Variants in UBE2QL1 observed in about 807,000 individuals in gnomAD.
The protein encoded by UBE2QL1 is ubiquitin-conjugating enzyme E2Q-like protein 1.
A neutral mutation model predicts 12.6 loss-of-function variants in UBE2QL1; 5 were observed. That is an observed-to-expected ratio of 0.40 (90% CI 0.21 to 0.83). The LOEUF (loss-of-function observed/expected upper bound fraction) is 0.83. UBE2QL1 is among the 40% of genes least tolerant of loss of function. UBE2QL1 has a pLI of 0.37. For missense variants in UBE2QL1, 99 were observed against 222.6 expected (o/e 0.44, Z 3.53); for synonymous variants, 96 against 94.5 (o/e 1.02, Z -0.10).
intron 1 of UBE2QL1, among the ~76,000 whole-genome samples, chr5:6,483,600 G>GCA (rs1372035670): frequency 1.3e-5 from 2 of 152,156 alleles, no homozygotes; most frequent in Non-Finnish European, 2.9e-5. Flanking sequence ...TCCTGGACAC[G>GCA]CACAGCCCTT....
intron 1 of UBE2QL1, among the ~76,000 whole-genome samples, chr5:6,459,505 C>T (rs138765581): frequency 1.3e-5 from 2 of 152,112 alleles, no homozygotes. Flanking sequence ...GACTGCATGG[C>T]CTCGAGGTGT....
In UBE2QL1 at chr5:6,470,369, G is replaced by A. The variant is rs75158532; in HGVS notation, c.355-20849G>A. Among the ~76,000 whole-genome samples the A allele has an allele frequency of 2.1e-3, 323 of 152,320 alleles. 10 individuals carry two copies. The East Asian group carries it at 0.059, about 28-fold the overall frequency. On this transcript the variant is annotated intron_variant, in intron 1 of 1. Coordinates refer to ENST00000399816, the MANE Select transcript of UBE2QL1 (RefSeq NM_001145161.3). ...TGTGTGCAGAATTATAATGGTATAT[G>A]TTATGTTGTCTAACCTGTAAAACTC...
chr5:6,474,256 G>A (rs1489479069), intron 1 of UBE2QL1, among the ~76,000 whole-genome samples: 2 of 152,248 alleles, frequency 1.3e-5, no homozygotes, highest in Non-Finnish European at 2.9e-5. Flanking sequence ...CTTCCAGCAT[G>A]GAGCACCCGT....
intron 1 of UBE2QL1, among the ~76,000 whole-genome samples, chr5:6,461,543 A>ACCCCCCCC (rs71953375): frequency 8.1e-4 from 34 of 42,128 alleles, no homozygotes; most frequent in Middle Eastern, 0.014. Context: ...AGCACCCACC[A>ACCCCCCCC]CCCCCCCCCG....
intron 1 of UBE2QL1, among the ~76,000 whole-genome samples, chr5:6,461,928 C>A (rs779470191): frequency 1.3e-5 from 2 of 152,150 alleles, no homozygotes; most frequent in African/African-American, 4.8e-5. Flanking sequence ...TTGGATAAGC[C>A]GCAGGCTCTC....
chr5:6,462,915 G>A lies in UBE2QL1; in HGVS notation c.354+13668G>A, dbSNP rs575651102. Among the ~76,000 whole-genome samples the A allele has an allele frequency of 3.3e-5, 5 of 152,348 alleles. No homozygotes were observed. In the South Asian group the frequency reaches 8.3e-4, roughly 25 times the overall value. On this transcript the variant is annotated intron_variant, in intron 1 of 1. Transcript: ENST00000399816. ...GTTTGGTCTTAACAAAAATAATAGTGTGCAATTAACTAAGGCGTCAAGCAC... is the reference window on the plus strand; with the variant it reads ...GTTTGGTCTTAACAAAAATAATAGTATGCAATTAACTAAGGCGTCAAGCAC...
At position 6,457,113 on chromosome 5, in the gene UBE2QL1, T is replaced by G. The variant is rs544454478; in HGVS notation, c.354+7866T>G. On this transcript the variant is annotated intron_variant, in intron 1 of 1. Transcript: ENST00000399816. ...AATGCAGACCTAGCTTTATCACATC[T>G]GGTTATGAACCTTATGAAATAGAGC... Among the ~76,000 whole-genome samples, 3 of 152,042 alleles carry G rather than the reference T, an allele frequency of 2.0e-5. No homozygotes were observed. The South Asian group carries it at 6.3e-4, about 32-fold the overall frequency.
At position 6,496,570 on chromosome 5, in the gene UBE2QL1, G is replaced by T. The variant is rs1047855548; in HGVS notation, c.*5221G>T. Among the ~76,000 whole-genome samples the T allele has an allele frequency of 2.0e-5, 3 of 152,082 alleles. No homozygotes were observed. In the East Asian group the frequency reaches 5.8e-4, roughly 29 times the overall value. Reference sequence around the variant, plus strand: ...GATCCTCAAAAGAAGAGAAAAAAACGCATGTGGCATAAATCAACAGGAAAG... The same window carrying T: ...GATCCTCAAAAGAAGAGAAAAAAACTCATGTGGCATAAATCAACAGGAAAG... On this transcript the variant is annotated 3_prime_UTR_variant, in exon 2 of 2. Transcript: ENST00000399816.
rs936683122 is a variant in UBE2QL1 at position 6,491,334 on chromosome 5, C to T, written c.471C>T (p.Pro157=). 18 of 1,550,750 alleles carry T rather than the reference C, an allele frequency of 1.2e-5. No individual in the cohort carries two copies. In the East Asian group the frequency reaches 2.0e-4, roughly 17 times the overall value. Residue 157 remains proline, a synonymous_variant, in exon 2 of 2, where the codon CCC becomes CCT. Coordinates refer to ENST00000399816, the MANE Select transcript of UBE2QL1 (RefSeq NM_001145161.3). The part of the protein sequence containing the change: ...THEKYGWVTP[P]VSDG ...AAAAATATGGTTGGGTCACCCCGCC[C>T]GTGTCCGACGGCTGATGTCTGCCAC...
At position 6,469,974 on chromosome 5, in the gene UBE2QL1, C is replaced by T. The variant is rs151204699; in HGVS notation, c.354+20727C>T. Among the ~76,000 whole-genome samples the T allele has an allele frequency of 1.4e-3, 219 of 152,238 alleles. 1 individual carries two copies. Among genetic ancestry groups the T allele is most frequent in the African/African-American group, 5.1e-3 (210 of 41,532 alleles). On this transcript the variant is annotated intron_variant, in intron 1 of 1. Coordinates refer to ENST00000399816, the MANE Select transcript of UBE2QL1 (RefSeq NM_001145161.3). ...CACAGAGGACATTCGGTGATGGTGC[C>T]GGGCGGGACCCTGCAATGGTCTGTG...
At position 6,478,738 on chromosome 5, in the gene UBE2QL1, A is replaced by G. The variant is rs148918540; in HGVS notation, c.355-12480A>G. On this transcript the variant is annotated intron_variant, in intron 1 of 1. Coordinates refer to ENST00000399816, the MANE Select transcript of UBE2QL1 (RefSeq NM_001145161.3). The surrounding 1 kb of genome is among the most constrained non-coding windows in gnomAD (Gnocchi z 4.5). ...TGAAATGAAGTGTCCTGATCACCCA[A>G]TGGCACGGGTGATCAAAGCCACAGC... is the stretch of plus-strand genomic sequence containing the variant. 5.6e-3 allele frequency among the ~76,000 whole-genome samples: 857 copies of G among 152,110 alleles called. 8 individuals carry two copies. Among genetic ancestry groups the G allele is most frequent in the African/African-American group, 0.019 (778 of 41,512 alleles).
chr5:6,449,867 A>ACCCC (rs1482739693), intron 1 of UBE2QL1, among the ~76,000 whole-genome samples: 2 of 67,200 alleles, frequency 3.0e-5, no homozygotes, highest in Admixed American at 1.4e-4. Flanking sequence ...CCACCTCCCC[A>ACCCC]ACCCCCCCCA....
chr5:6,483,445 GAAA>G (rs36031775), intron 1 of UBE2QL1, among the ~76,000 whole-genome samples: 6 of 145,408 alleles, frequency 4.1e-5, no homozygotes, highest in African/African-American at 1.5e-4. Flanking sequence ...TCTAAAATAA[GAAA>G]AAAAAAAAAA....
Position 6,478,562 on chromosome 5 carries a change from A to C in UBE2QL1, c.355-12656A>C, listed in dbSNP as rs1734285510. ...AATGGTGGCTGCCTCTGTTTTGACA[A>C]ATTCATTCCCAGGCTCTGATTCCTG... On this transcript the variant is annotated intron_variant, in intron 1 of 1. Coordinates refer to ENST00000399816, the MANE Select transcript of UBE2QL1 (RefSeq NM_001145161.3). This position sits in a 1 kb window ranked among gnomAD's most constrained non-coding sequence, Gnocchi z 4.5. Among the ~76,000 whole-genome samples, 1 of 151,964 alleles carries C rather than the reference A, an allele frequency of 6.6e-6. No individual in the cohort carries two copies. Among genetic ancestry groups the C allele is most frequent in the African/African-American group, 2.4e-5 (1 of 41,366 alleles).
intron 1 of UBE2QL1, among the ~76,000 whole-genome samples, chr5:6,473,606 T>C (rs1734142755): frequency 6.6e-6 from 1 of 152,202 alleles, no homozygotes; most frequent in South Asian, 2.1e-4. Context: ...TCCTCAAAAA[T>C]AGCTGAGCCT....
intron 1 of UBE2QL1, among the ~76,000 whole-genome samples, chr5:6,482,510 A>G (rs1579300413): frequency 6.6e-6 from 1 of 151,270 alleles, no homozygotes. Flanking sequence ...CTCCTGAACC[A>G]CCTTCCCCTG....
At position 6,478,082 on chromosome 5, in the gene UBE2QL1, G is replaced by A. The variant is rs189508367; in HGVS notation, c.355-13136G>A. The stretch of plus-strand genomic sequence containing the variant: ...AGGTGAAGTAAATAATCCATGTAGA[G>A]TCTTATTATTGCTGTGCTTTATTGC... On this transcript the variant is annotated intron_variant, in intron 1 of 1. Coordinates refer to ENST00000399816, the MANE Select transcript of UBE2QL1 (RefSeq NM_001145161.3). This position sits in a 1 kb window ranked among gnomAD's most constrained non-coding sequence, Gnocchi z 4.5. Among the ~76,000 whole-genome samples, 2 of 152,308 alleles carry A rather than the reference G, an allele frequency of 1.3e-5. No individual in the cohort carries two copies. Among genetic ancestry groups the A allele is most frequent in the African/African-American group, 4.8e-5 (2 of 41,566 alleles).
intron 1 of UBE2QL1, among the ~76,000 whole-genome samples, chr5:6,483,105 T>C (rs1456401546): frequency 6.6e-6 from 1 of 152,184 alleles, no homozygotes; most frequent in Non-Finnish European, 1.5e-5. Context: ...CTGTACACTC[T>C]CTTCCACGTC....
At chr5:6,466,060 C>T (rs1739783447) in intron 1 of UBE2QL1, among the ~76,000 whole-genome samples, 1 of 152,134 alleles carries the variant, frequency 6.6e-6, no homozygotes, top group Non-Finnish European at 1.5e-5. Flanking sequence ...CTTCCCTCTG[C>T]CCCTGCCACC....
Sources: allele counts gnomAD v4.1 joint callset (sites outside exome capture counted in the v4.1 genomes callset), GRCh38; gene constraint gnomAD v4.1.1; non-coding constraint Gnocchi (gnomAD v3.1); transcripts MANE v1.5; gene names NCBI Gene and HGNC (gene_info 2026-07-23, HGNC 2026-07-21).